Variants in IL2RA observed in about 807,000 individuals in gnomAD.
IL2RA encodes the protein interleukin 2 receptor subunit alpha.
Under a neutral mutation model 37.8 loss-of-function variants are expected in IL2RA, and 24 were observed. The observed-to-expected ratio is 0.63, with a 90% CI of 0.46 to 0.89. The LOEUF (loss-of-function observed/expected upper bound fraction) is 0.89. Among genes scored for constraint, IL2RA ranks in the 40% least tolerant of loss-of-function variants. The probability of loss-of-function intolerance (pLI) is 0.00; values close to 1 mark genes in which losing one functional copy is unlikely to be tolerated. For missense variants in IL2RA, 319 were observed against 348.6 expected (o/e 0.92, Z 0.68); for synonymous variants, 125 against 114.6 (o/e 1.09, Z -0.58).
Position 6,013,882 on chromosome 10 carries a change from A to C in IL2RA, c.795-986T>G, listed in dbSNP as rs529758637. On this transcript the variant is annotated intron_variant, in intron 7 of 7. Coordinates refer to ENST00000379959, the MANE Select transcript of IL2RA (RefSeq NM_000417.3). ...CGTCTCAATCTGTCACCCAGGCTGC[A>C]GTGCAGTGGCATGGTCACAGCTCAC... Among the ~76,000 whole-genome samples, 285 of 144,686 alleles carry C rather than the reference A, an allele frequency of 2.0e-3. 1 individual carries two copies. Among genetic ancestry groups the C allele is most frequent in the African/African-American group, 6.8e-3 (262 of 38,618 alleles). 94.9% of individuals were successfully genotyped at this position (144,686 alleles called of 152,430 possible).
Position 6,058,037 on chromosome 10 carries a change from G to T in IL2RA, c.64+4051C>A, listed in dbSNP as rs980708330. ...GCTACTTGGGGAGGCTGAGGCAGGAGAATCACTTGAACCCGGGAGGCAGAG... is the reference window on the plus strand; with the variant it reads ...GCTACTTGGGGAGGCTGAGGCAGGATAATCACTTGAACCCGGGAGGCAGAG... On this transcript the variant is annotated intron_variant, in intron 1 of 7. Coordinates refer to ENST00000379959, the MANE Select transcript of IL2RA (RefSeq NM_000417.3). This position sits in a 1 kb window ranked among gnomAD's most constrained non-coding sequence, Gnocchi z 4.2. Among the ~76,000 whole-genome samples, 2 of 152,154 alleles carry T rather than the reference G, an allele frequency of 1.3e-5. No homozygotes were observed. The highest frequency in any genetic ancestry group is 1.3e-4 in the Admixed American group (2 of 15,280).
intron 3 of IL2RA, among the ~76,000 whole-genome samples, chr10:6,023,835 C>T (rs35399512): frequency 1.8e-4 from 28 of 152,264 alleles, no homozygotes; most frequent in East Asian, 1.7e-3. Flanking sequence ...AATTTTTTTG[C>T]GGTGCGTTGT....
chr10:6,042,036 C>T (rs1589305252), intron 1 of IL2RA, among the ~76,000 whole-genome samples: 1 of 150,274 alleles, frequency 6.7e-6, no homozygotes, highest in Middle Eastern at 3.5e-3. Flanking sequence ...AACATGTATA[C>T]ACTCAACAAT....
At chr10:6,032,501 G>A (rs987468429) in intron 1 of IL2RA, among the ~76,000 whole-genome samples, 4 of 151,888 alleles carry the variant, frequency 2.6e-5, no homozygotes, top group African/African-American at 4.8e-5. Context: ...GACCATCCTG[G>A]CTAACACGGT....
At position 6,011,611 on chromosome 10, in the gene IL2RA, T is replaced by G. The variant is rs115247277; in HGVS notation, c.*1261A>C. ...AGGCTGGAGTGCAGTGGTGCCATCA[T>G]GACTGACTGCAGCCTCGAACTCCTG... On this transcript the variant is annotated 3_prime_UTR_variant, in exon 8 of 8. Coordinates refer to ENST00000379959, the MANE Select transcript of IL2RA (RefSeq NM_000417.3). This position sits in a 1 kb window ranked among gnomAD's most constrained non-coding sequence, Gnocchi z 5.2. 1 of 152,534 alleles carries G rather than the reference T, an allele frequency of 6.6e-6. No homozygotes were observed. The highest frequency in any genetic ancestry group is 2.4e-5 in the African/African-American group (1 of 41,450). 9.4% of individuals were successfully genotyped at this position (152,534 alleles called of 1,614,324 possible).
At chr10:6,023,295 C>G (rs373914007) in intron 3 of IL2RA, among the ~76,000 whole-genome samples, 1 of 152,128 alleles carries the variant, frequency 6.6e-6, no homozygotes, top group Admixed American at 6.6e-5. Flanking sequence ...TTAGAAAGCT[C>G]AATTCTTCCT....
chr10:6,062,350 G>T lies in IL2RA; in HGVS notation c.-199C>A. 2.0e-6 allele frequency: 1 copy of T among 503,088 alleles called. No individual in the cohort carries two copies. The highest frequency in any genetic ancestry group is 3.3e-5 in the East Asian group (1 of 29,932). The allele number at this position is 503,088 out of a possible 1,614,324, so 31.2% of individuals were successfully genotyped here. On this transcript the variant is annotated 5_prime_UTR_variant, in exon 1 of 8. Coordinates refer to ENST00000379959, the MANE Select transcript of IL2RA (RefSeq NM_000417.3). ...TGCTCTCTTTAAGTATTGGGCTGGC[G>T]TGTTCAGCCAGGAAACTGCCTAGCA... is the stretch of plus-strand genomic sequence containing the variant.
At position 6,028,253 on chromosome 10, in the gene IL2RA, A is replaced by C. The variant is rs577930157; in HGVS notation, c.65-2228T>G. 6.6e-6 allele frequency among the ~76,000 whole-genome samples: 1 copy of C among 152,178 alleles called. No homozygotes were observed. The highest frequency in any genetic ancestry group is 2.4e-5 in the African/African-American group (1 of 41,422). ...ACTGCATGAAGGTCGCCCCAAAATT[A>C]TGTATAGGGGTCCACCTCAGGTTCT... On this transcript the variant is annotated intron_variant, in intron 1 of 7. Transcript: ENST00000379959. This position sits in a 1 kb window ranked among gnomAD's most constrained non-coding sequence, Gnocchi z 4.1.
In IL2RA at chr10:6,022,972, C is replaced by G. The variant is rs1004448590; in HGVS notation, c.367+1272G>C. On this transcript the variant is annotated intron_variant, in intron 3 of 7. Coordinates refer to ENST00000379959, the MANE Select transcript of IL2RA (RefSeq NM_000417.3). The surrounding 1 kb of genome is among the most constrained non-coding windows in gnomAD (Gnocchi z 4.7). ...AGAGCATCATGTTGCAACTGTGCCC[C>G]TAGATTAGTCTGTTTTAAAAAATAA... Among the ~76,000 whole-genome samples the G allele has an allele frequency of 6.6e-6, 1 of 152,204 alleles. No individual in the cohort carries two copies. Among genetic ancestry groups the G allele is most frequent in the African/African-American group, 2.4e-5 (1 of 41,448 alleles).
rs1839264756 is a variant in IL2RA, at chr10:6,015,718, A to ATG, written c.794+2333_794+2334dup. ...CATCTCAAACATTTATCGTTTCTTT[A>ATG]TGTTCCTACAGATGATTCTGGTGCT... On this transcript the variant is annotated intron_variant, in intron 7 of 7. Transcript: ENST00000379959. The surrounding 1 kb of genome is among the most constrained non-coding windows in gnomAD (Gnocchi z 4.9). Among the ~76,000 whole-genome samples the ATG allele has an allele frequency of 6.6e-6, 1 of 152,196 alleles. No homozygotes were observed. The highest frequency in any genetic ancestry group is 1.5e-5 in the Non-Finnish European group (1 of 68,036).
At chr10:6,061,392 T>C (rs1049928030) in intron 1 of IL2RA, among the ~76,000 whole-genome samples, 9 of 148,686 alleles carry the variant, frequency 6.1e-5, no homozygotes, top group African/African-American at 2.2e-4. Context: ...AAAAAAAAAA[T>C]CTTCGAGAAA....
chr10:6,060,240 A>G (rs1221412645), intron 1 of IL2RA, among the ~76,000 whole-genome samples: 1 of 152,192 alleles, frequency 6.6e-6, no homozygotes, highest in Non-Finnish European at 1.5e-5. Context: ...GAACGGCACG[A>G]TGGACTCTGA....
chr10:6,051,817 CTATATATA>C lies in IL2RA; in HGVS notation c.64+10263_64+10270del, dbSNP rs61008683. Among the ~76,000 whole-genome samples the C allele has an allele frequency of 2.6e-3, 89 of 33,682 alleles. 9 individuals carry two copies. Among genetic ancestry groups the C allele is most frequent in the African/African-American group, 3.9e-3 (43 of 10,890 alleles). 22.1% of individuals were successfully genotyped at this position (33,682 alleles called of 152,430 possible). The stretch of plus-strand genomic sequence containing the variant: ...TACAGACGTGAGCCATCATGCCCAG[CTATATATA>C]TATATATATATATATATAGAATTTT... On this transcript the variant is annotated intron_variant, in intron 1 of 7. Transcript: ENST00000379959.
intron 6 of IL2RA, 81 bp downstream of exon 6, chr10:6,019,347 C>T: frequency 9.2e-7 from 1 of 1,087,438 alleles, no homozygotes; most frequent in Admixed American, 1.7e-5. Context: ...AGCCAACCAA[C>T]TAACCAACCT....
intron 1 of IL2RA, among the ~76,000 whole-genome samples, chr10:6,034,868 A>G (rs1040223449): frequency 6.6e-6 from 1 of 152,228 alleles, no homozygotes. Flanking sequence ...TGGGAGGCAG[A>G]CAGAATTTTC....
intron 1 of IL2RA, among the ~76,000 whole-genome samples, chr10:6,061,488 G>A (rs1840121655): frequency 1.3e-5 from 2 of 152,198 alleles, no homozygotes; most frequent in South Asian, 2.1e-4. Context: ...ATAGGATTAT[G>A]AGAAGTAGTA....
chr10:6,011,577 C>T lies in IL2RA; in HGVS notation c.*1295G>A, dbSNP rs1408459730. 6.6e-6 allele frequency: 1 copy of T among 152,312 alleles called. No homozygotes were observed. Among genetic ancestry groups the T allele is most frequent in the African/African-American group, 2.4e-5 (1 of 41,464 alleles). 9.4% of individuals were successfully genotyped at this position (152,312 alleles called of 1,614,324 possible). A position where few individuals can be genotyped will look rare whatever the true frequency, so the allele number is the denominator to read the frequency against. On this transcript the variant is annotated 3_prime_UTR_variant, in exon 8 of 8. Coordinates refer to ENST00000379959, the MANE Select transcript of IL2RA (RefSeq NM_000417.3). The surrounding 1 kb of genome is among the most constrained non-coding windows in gnomAD (Gnocchi z 5.2). ...TTTTCCTTAAAGACAGGATCTTGCT[C>T]TGTTGCCCAGGCTGGAGTGCAGTGG... is the stretch of plus-strand genomic sequence containing the variant.
At chr10:6,013,146 A>G (rs1403461214) in intron 7 of IL2RA, among the ~76,000 whole-genome samples, 1 of 152,194 alleles carries the variant, frequency 6.6e-6, no homozygotes, top group Admixed American at 6.5e-5. Flanking sequence ...TATATGGCAG[A>G]CAATAGCTGT....
At chr10:6,024,453 G>T in intron 2 of IL2RA, 99 bp from the exon 3 acceptor site, 2 of 882,960 alleles carry the variant, frequency 2.3e-6, no homozygotes, top group Non-Finnish European at 1.9e-6. Flanking sequence ...CCTGTCCAGG[G>T]CCCACGATGT....
Sources: allele counts gnomAD v4.1 joint callset (sites outside exome capture counted in the v4.1 genomes callset), GRCh38; gene constraint gnomAD v4.1.1; non-coding constraint Gnocchi (gnomAD v3.1); transcripts MANE v1.5; gene names NCBI Gene and HGNC (gene_info 2026-07-23, HGNC 2026-07-21).